SH3TC1: variants seen among roughly 807,000 people sequenced by gnomAD.
SH3TC1 encodes the protein SH3 domain and tetratricopeptide repeat-containing protein 1.
A neutral mutation model predicts 117.3 loss-of-function variants in SH3TC1; 135 were observed. The observed-to-expected ratio is 1.15, with a 90% CI of 1.00 to 1.33. SH3TC1 has a LOEUF of 1.33. Ranked by LOEUF, SH3TC1 falls within the 40% of genes most tolerant of loss-of-function variation. The pLI is 0.00. For synonymous variants in SH3TC1, 898 were observed against 816.9 expected, an observed-to-expected ratio of 1.10 and a Z score of -1.69; for missense variants, 2,092 against 1,794.3, an observed-to-expected ratio of 1.17 and a Z score of -3.00.
chr4:8,237,779 G>A (rs1218412065), intron 17 of SH3TC1, 109 bp downstream of exon 17: 1 of 1,245,116 alleles, frequency 8.0e-7, no homozygotes. Flanking sequence ...TGGCCCAGTG[G>A]CCTCCCTGGA....
In SH3TC1 at chr4:8,228,463, G is replaced by C. The variant is rs751333543; in HGVS notation, c.2769G>C (p.Gln923His). 3.7e-6 allele frequency: 6 copies of C among 1,607,442 alleles called. No individual in the cohort carries two copies. The highest frequency in any genetic ancestry group is 5.1e-6 in the Non-Finnish European group (6 of 1,177,262). Residue 923 changes from glutamine (Q) to histidine (H), a missense_variant, in exon 12 of 18, where the codon CAG becomes CAC. Coordinates refer to ENST00000245105, the MANE Select transcript of SH3TC1 (RefSeq NM_018986.5). ...CLHAGASRLA[Q>H]HYLLEAVRLF... Reference sequence around the variant, plus strand: ...ATGCGGGTGCCAGCAGGCTGGCCCAGCACTACCTCCTGGAGGCCGTGCGGC... The same window carrying C: ...ATGCGGGTGCCAGCAGGCTGGCCCACCACTACCTCCTGGAGGCCGTGCGGC...
In SH3TC1 at chr4:8,186,770, C is replaced by T. The variant is rs568774591; in HGVS notation, c.-57+4560C>T. Among the ~76,000 whole-genome samples, 1 of 151,978 alleles carries T rather than the reference C, an allele frequency of 6.6e-6. No individual in the cohort carries two copies. Among genetic ancestry groups the T allele is most frequent in the African/African-American group, 2.4e-5 (1 of 41,354 alleles). ...ACCAGCCCGGCCAACATGGTGAAAC[C>T]CCATCTCTACTAAAAATACAAAAAT... On this transcript the variant is annotated intron_variant, in intron 1 of 16. Coordinates refer to the SH3TC1 transcript ENST00000508641. The surrounding 1 kb of genome is among the most constrained non-coding windows in gnomAD (Gnocchi z 5.2).
rs985638666 is a variant in SH3TC1 at position 8,235,452 on chromosome 4, T to C, written c.3302T>C (p.Leu1101Pro). 7 of 1,577,340 alleles carry C rather than the reference T, an allele frequency of 4.4e-6. No homozygotes were observed. The African/African-American group carries it at 5.4e-5, about 12-fold the overall frequency. The change falls in exon 15 of 18, where the codon CTG becomes CCG. Residue 1101 changes from leucine (L) to proline (P), a missense_variant. Coordinates refer to ENST00000245105, the MANE Select transcript of SH3TC1 (RefSeq NM_018986.5). ...TTTCAGGTGGCACAGAACGTGGCCC[T>C]GTACACAGGCGACCCCAACCTGGGG... is the stretch of plus-strand genomic sequence containing the variant. ...LYIQVAQNVA[L>P]YTGDPNLGLE... is the part of the protein sequence containing the mutation.
intron 1 of SH3TC1, among the ~76,000 whole-genome samples, chr4:8,189,739 C>T (rs889256067): frequency 2.6e-5 from 4 of 152,146 alleles, no homozygotes; most frequent in East Asian, 1.9e-4. Flanking sequence ...GAGAGGCAGA[C>T]GGTGGCACTG....
chr4:8,222,888 C>T lies in SH3TC1; in HGVS notation c.1161C>T (p.Ser387=), dbSNP rs113258718. The T allele has an allele frequency of 8.6e-4, 1,392 of 1,613,734 alleles. 11 individuals are homozygous for T. The African/African-American group carries it at 0.016, about 19-fold the overall frequency. ...FLNEEEKSFF[S]EGCFSEEDAR... ...ATGAGGAAGAAAAGTCATTCTTCAG[C>T]GAGGGCTGCTTTTCTGAGGAGGATG... The change falls in exon 10 of 18, where the codon AGC becomes AGT. Residue 387 remains serine, a synonymous_variant. Transcript: ENST00000245105.
At chr4:8,203,736 C>T (rs1414206763) in intron 1 of SH3TC1, among the ~76,000 whole-genome samples, 2 of 152,152 alleles carry the variant, frequency 1.3e-5, no homozygotes, top group Non-Finnish European at 2.9e-5. Context: ...TCCCCCTGCT[C>T]CTGGCTTGAA....
At chr4:8,228,739 A>C in intron 12 of SH3TC1, 95 bp downstream of exon 12, 1 of 1,106,606 alleles carries the variant, frequency 9.0e-7, no homozygotes, top group Non-Finnish European at 1.2e-6. Flanking sequence ...TGGTTTTTCC[A>C]CCATCGAAAG....
In SH3TC1 at chr4:8,205,789, G is replaced by A. The variant is rs940283055; in HGVS notation, c.172+423G>A. The A allele has an allele frequency of 6.4e-6, 4 of 622,722 alleles. No individual in the cohort carries two copies. The highest frequency in any genetic ancestry group is 3.7e-5 in the African/African-American group (2 of 54,550). The allele number at this position is 622,722 out of a possible 1,614,324, so 38.6% of individuals were successfully genotyped here. ...AAGGGCCGGGCCAGGCCACCCTGTG[G>A]TCAGGGGCCGGGCCAGGACGTGTGC... On this transcript the variant is annotated intron_variant, in intron 2 of 17. Coordinates refer to ENST00000245105, the MANE Select transcript of SH3TC1 (RefSeq NM_018986.5). This position sits in a 1 kb window ranked among gnomAD's most constrained non-coding sequence, Gnocchi z 5.4.
At chr4:8,200,758 A>T (rs953116158) in intron 1 of SH3TC1, among the ~76,000 whole-genome samples, 3 of 152,166 alleles carry the variant, frequency 2.0e-5, no homozygotes, top group African/African-American at 7.2e-5. Context: ...TCAGAAGGCT[A>T]CTGGGCGGCT....
intron 10 of SH3TC1, among the ~76,000 whole-genome samples, chr4:8,224,198 C>A (rs1337231866): frequency 6.6e-6 from 1 of 152,224 alleles, no homozygotes; most frequent in African/African-American, 2.4e-5. Context: ...TATGCACACA[C>A]ATATATAAAC....
At chr4:8,216,900 G>C (rs1257903279) in intron 6 of SH3TC1, 57 bp from the exon 7 acceptor site, 8 of 1,569,506 alleles carry the variant, frequency 5.1e-6, no homozygotes, top group Non-Finnish European at 7.0e-6. Flanking sequence ...GTGGGGGGCA[G>C]GGCCACAGCT....
chr4:8,203,795 C>T (rs1717991256), intron 1 of SH3TC1, among the ~76,000 whole-genome samples: 1 of 152,128 alleles, frequency 6.6e-6, no homozygotes, highest in Admixed American at 6.5e-5. Flanking sequence ...ATGTCCAGGG[C>T]CTCCTGCCTC....
At chr4:8,240,376 G>T (rs1722222948) in intron 17 of SH3TC1, among the ~76,000 whole-genome samples, 2 of 152,176 alleles carry the variant, frequency 1.3e-5, no homozygotes, top group South Asian at 4.1e-4. Context: ...GGGAGCCATG[G>T]GTCCTGCATG....
rs371765941 is a variant in SH3TC1, at chr4:8,240,924, C to A, written c.3980C>A (p.Ala1327Asp). ...NLPPLPLCGW[A>D]PWLAPSHPR ...CCTCCTCTGCCACTCTGCGGGTGGG[C>A]CCCCTGGTTGGCCCCCAGCCACCCT... is the stretch of plus-strand genomic sequence containing the variant. Residue 1327 changes from alanine (A) to aspartate (D), a missense_variant, in exon 18 of 18, where the codon GCC becomes GAC. Coordinates refer to ENST00000245105, the MANE Select transcript of SH3TC1 (RefSeq NM_018986.5). 1.2e-6 allele frequency: 2 copies of A among 1,611,960 alleles called. No homozygotes were observed. Among genetic ancestry groups the A allele is most frequent in the Admixed American group, 3.3e-5 (2 of 60,022 alleles).
At chr4:8,231,783 A>C (rs1578737543) in intron 12 of SH3TC1, 193 bp from the exon 13 acceptor site, 1 of 620,640 alleles carries the variant, frequency 1.6e-6, no homozygotes, top group East Asian at 2.8e-5. Flanking sequence ...GGAGTTGTAA[A>C]GAAGGCCGGC....
rs1291256056 is a variant in SH3TC1 at position 8,209,395 on chromosome 4, G to A, written c.173-353G>A. On this transcript the variant is annotated intron_variant, in intron 2 of 17. Transcript: ENST00000245105. The surrounding 1 kb of genome is among the most constrained non-coding windows in gnomAD (Gnocchi z 5.9). ...AGCCGAGGGACGTGTGCGGCCTCTTGAAGGCGAGGAGTGGATTCTCCCCAG... is the reference window on the plus strand; with the variant it reads ...AGCCGAGGGACGTGTGCGGCCTCTTAAAGGCGAGGAGTGGATTCTCCCCAG... Among the ~76,000 whole-genome samples the A allele has an allele frequency of 6.6e-6, 1 of 152,188 alleles. No individual in the cohort carries two copies. The highest frequency in any genetic ancestry group is 1.5e-5 in the Non-Finnish European group (1 of 68,032).
intron 16 of SH3TC1, chr4:8,237,264 T>A (rs1364411090): frequency 2.1e-6 from 1 of 477,560 alleles, no homozygotes; most frequent in Non-Finnish European, 3.6e-6. Context: ...GCCATCCAAG[T>A]CCGACTTTGC....
At chr4:8,235,140 C>T (rs1224067099) in intron 14 of SH3TC1, among the ~76,000 whole-genome samples, 1 of 152,184 alleles carries the variant, frequency 6.6e-6, no homozygotes, top group African/African-American at 2.4e-5. Context: ...ATCTGGGGGC[C>T]ATGGAGGCTG....
At position 8,228,124 on chromosome 4, in the gene SH3TC1, G is replaced by A. The variant is rs759285665; in HGVS notation, c.2430G>A (p.Thr810=). Residue 810 remains threonine (T), a synonymous_variant, in exon 12 of 18, where the codon ACG becomes ACA. Transcript: ENST00000245105. ...ACGGCCCGGCCATCACCTTCATGAC[G>A]CAGGCAGTGGAAGCCAGTGCTATTG... ...GCHGPAITFM[T]QAVEASAIAG... 24 of 1,611,976 alleles carry A rather than the reference G, an allele frequency of 1.5e-5. 1 individual carries two copies. Among genetic ancestry groups the A allele is most frequent in the South Asian group, 1.3e-4 (12 of 90,962 alleles).
Sources: gnomAD v4.1 joint callset for allele counts (sites outside exome capture counted in the v4.1 genomes callset) on GRCh38, gnomAD v4.1.1 for gene constraint, Gnocchi (gnomAD v3.1) non-coding constraint, MANE v1.5 for transcripts, NCBI Gene and HGNC (gene_info 2026-07-23, HGNC 2026-07-21) for gene names.